MYLK4: variants seen among roughly 807,000 people sequenced by gnomAD.
MYLK4 encodes myosin light chain kinase family member 4.
A neutral mutation model predicts 48.1 loss-of-function variants in MYLK4; 46 were observed. The ratio of observed to expected loss-of-function variants is 0.96; its 90% CI spans 0.75 to 1.22. The LOEUF (loss-of-function observed/expected upper bound fraction) is 1.22. MYLK4 is among the 50% of genes most tolerant of loss of function. The pLI, the probability that MYLK4 is intolerant of heterozygous loss-of-function variation, is 0.00. For missense variants in MYLK4, 451 were observed against 486.1 expected, an observed-to-expected ratio of 0.93 and a Z score of 0.68; for synonymous variants, 170 against 180.8, an observed-to-expected ratio of 0.94 and a Z score of 0.48.
intron 6 of MYLK4, among the ~76,000 whole-genome samples, chr6:2,683,386 C>A (rs1441427336): frequency 1.1e-5 from 1 of 90,846 alleles, no homozygotes; most frequent in Admixed American, 1.4e-4. Context: ...CAACTCCCCA[C>A]CTTTTTGTGT....
At chr6:2,756,219 C>T in the MYLK4 span, among the ~76,000 whole-genome samples, 4 of 152,056 alleles carry the variant, frequency 2.6e-5, no homozygotes, top group Admixed American at 1.3e-4. Context: ...CTTTCCATCC[C>T]CATCCTGAAC....
chr6:2,680,104 A>T, intron 8 of MYLK4, 117 bp downstream of exon 8: 1 of 1,215,214 alleles, frequency 8.2e-7, no homozygotes, highest in Non-Finnish European at 1.1e-6. Context: ...ATTTTTGTTA[A>T]ATTAATTATA....
Position 2,749,171 on chromosome 6 carries a change from A to C in MYLK4, c.124T>G (p.Ser42Ala). The C allele has an allele frequency of 1.9e-6, 3 of 1,614,030 alleles. No individual in the cohort carries two copies. The highest frequency in any genetic ancestry group is 2.5e-6 in the Non-Finnish European group (3 of 1,179,974). ...CCAGATCTTGAATCCTGGTCCCCAG[A>C]ATTTTTTTCCAGAAAACACTTCACT... ...EKVKCFLEKNSGDQDSRSGHN... is the reference protein window; with the variant it reads ...EKVKCFLEKNAGDQDSRSGHN... The change falls in exon 2 of 13, where the codon TCT becomes GCT. Residue 42 changes from serine to alanine, a missense_variant. Ser to Ala is a moderately conservative substitution (Grantham distance 99, BLOSUM62 1). Transcript: ENST00000274643.
intron 2 of MYLK4, among the ~76,000 whole-genome samples, chr6:2,726,205 C>T (rs1763267552): frequency 6.6e-6 from 1 of 152,064 alleles, no homozygotes; most frequent in Admixed American, 6.6e-5. Flanking sequence ...TTATTAAAGT[C>T]CAAAGATTAC....
intron 8 of MYLK4, 110 bp downstream of exon 8, chr6:2,680,111 T>C: frequency 7.9e-7 from 1 of 1,263,512 alleles, no homozygotes; most frequent in Non-Finnish European, 1.1e-6. Flanking sequence ...TTAAATTAAT[T>C]ATAAATGAGA....
chr6:2,692,729 C>G (rs374324604), intron 3 of MYLK4, 55 bp downstream of exon 3: 3 of 1,506,602 alleles, frequency 2.0e-6, no homozygotes, highest in Non-Finnish European at 2.7e-6. Context: ...AACAACAGGA[C>G]TTTTATAACG....
chr6:2,694,601 GGTGATGATTGTA>G (rs1326358813), intron 2 of MYLK4, among the ~76,000 whole-genome samples: 19 of 141,922 alleles, frequency 1.3e-4, no homozygotes, highest in Admixed American at 1.2e-3. Flanking sequence ...TGGTGGTGGT[GGTGATGATTGTA>G]GTGGTGATGG....
At chr6:2,698,447 T>C (rs768328953) in intron 2 of MYLK4, among the ~76,000 whole-genome samples, 2 of 152,256 alleles carry the variant, frequency 1.3e-5, no homozygotes, top group African/African-American at 2.4e-5. Flanking sequence ...ATGGAATAAA[T>C]CTGACCAGTC....
chr6:2,696,380 C>A (rs1762061098), intron 2 of MYLK4, among the ~76,000 whole-genome samples: 1 of 152,206 alleles, frequency 6.6e-6, no homozygotes, highest in African/African-American at 2.4e-5. Flanking sequence ...AAAATCCTAA[C>A]CCTCATGGTG....
chr6:2,754,346 T>C (rs376096660), upstream of MYLK4, among the ~76,000 whole-genome samples: 2 of 151,922 alleles, frequency 1.3e-5, no homozygotes, highest in African/African-American at 4.8e-5. Context: ...ACTACGTAAT[T>C]AAAAGGAATG....
intron 2 of MYLK4, among the ~76,000 whole-genome samples, chr6:2,695,295 G>A (rs1486304988): frequency 6.6e-6 from 1 of 152,198 alleles, no homozygotes; most frequent in Non-Finnish European, 1.5e-5. Context: ...AGCATACGTG[G>A]ATTTAATAAT....
intron 2 of MYLK4, among the ~76,000 whole-genome samples, chr6:2,724,868 A>T (rs556383387): frequency 6.6e-6 from 1 of 152,352 alleles, no homozygotes; most frequent in Admixed American, 6.5e-5. Flanking sequence ...CAACTCAAGC[A>T]TAGTAAAACT....
Position 2,675,051 on chromosome 6 carries a change from G to T in MYLK4, c.1115C>A (p.Ala372Asp). Reference sequence around the variant, plus strand: ...AGAGCAAGAAGCCGTGGTCACCTGGGCATTGAGTCTGGAGTGGAGCTTGTG... The same window carrying T: ...AGAGCAAGAAGCCGTGGTCACCTGGTCATTGAGTCTGGAGTGGAGCTTGTG... ...SDHKLHSRLN[A>D]QKKKNRGSDA... The change falls in exon 11 of 13, where the codon GCC becomes GAC. Residue 372 changes from alanine (A) to aspartate (D), a missense_variant. Coordinates refer to ENST00000274643, the MANE Select transcript of MYLK4 (RefSeq NM_001012418.5). The T allele has an allele frequency of 6.2e-7, 1 of 1,613,080 alleles. No homozygotes were observed. The highest frequency in any genetic ancestry group is 8.5e-7 in the Non-Finnish European group (1 of 1,179,066).
intron 10 of MYLK4, 51 bp from the exon 11 acceptor site, chr6:2,675,176 G>T: frequency 7.5e-7 from 1 of 1,333,184 alleles, no homozygotes; most frequent in Non-Finnish European, 1.1e-6. Flanking sequence ...AAGAAGGCCT[G>T]TATCTGCTGT....
At chr6:2,769,176 A>G in the MYLK4 span, among the ~76,000 whole-genome samples, 1 of 152,256 alleles carries the variant, frequency 6.6e-6, no homozygotes, top group African/African-American at 2.4e-5. Flanking sequence ...TCTAAATACT[A>G]GGAGTCATTG....
At chr6:2,742,437 T>A (rs554596800) in intron 2 of MYLK4, among the ~76,000 whole-genome samples, 1 of 151,990 alleles carries the variant, frequency 6.6e-6, no homozygotes, top group South Asian at 2.1e-4. Context: ...ACTGTGGCAC[T>A]ATTCACAATA....
chr6:2,680,989 C>A (rs562441797), intron 7 of MYLK4, among the ~76,000 whole-genome samples: 2 of 152,294 alleles, frequency 1.3e-5, no homozygotes, highest in East Asian at 3.9e-4. Context: ...GGGTGTAGTG[C>A]AGCCACTCAG....
chr6:2,721,496 G>C (rs1166755082), intron 2 of MYLK4, among the ~76,000 whole-genome samples: 1 of 151,870 alleles, frequency 6.6e-6, no homozygotes, highest in Non-Finnish European at 1.5e-5. Flanking sequence ...GAAAGCAACT[G>C]GATGGTTTAA....
Position 2,673,749 on chromosome 6 carries a change from G to C in MYLK4, c.1119+1298C>G, listed in dbSNP as rs529792766. ...TATATAATCCACAATTATTTGGATG[G>C]AGACAACATGAAGGAGGCAGAGAAG... is the stretch of plus-strand genomic sequence containing the variant. On this transcript the variant is annotated intron_variant, in intron 11 of 12. Transcript: ENST00000274643. This position sits in a 1 kb window ranked among gnomAD's most constrained non-coding sequence, Gnocchi z 4.2. Among the ~76,000 whole-genome samples, 7 of 152,328 alleles carry C rather than the reference G, an allele frequency of 4.6e-5. No individual in the cohort carries two copies. The highest frequency in any genetic ancestry group is 8.8e-5 in the Non-Finnish European group (6 of 68,038).
Sources: allele counts gnomAD v4.1 joint callset (sites outside exome capture counted in the v4.1 genomes callset), GRCh38; gene constraint gnomAD v4.1.1; non-coding constraint Gnocchi (gnomAD v3.1); transcripts MANE v1.5; gene names NCBI Gene and HGNC (gene_info 2026-07-23, HGNC 2026-07-21).